The following TBCD variants were observed in gnomAD, a reference collection of about 807,000 sequenced individuals.
The protein encoded by TBCD is tubulin-specific chaperone D.
TBCD carries 105 observed loss-of-function variants against 169.3 expected under a neutral mutation model. That is an observed-to-expected ratio of 0.62 (90% CI 0.53 to 0.73). The LOEUF (loss-of-function observed/expected upper bound fraction) is 0.73. Ranked by LOEUF, TBCD falls within the 30% of genes least tolerant of loss-of-function variation. The pLI, the probability that TBCD is intolerant of heterozygous loss-of-function variation, is 0.00. For missense variants in TBCD, 1,444 were observed against 1,600.1 expected, an observed-to-expected ratio of 0.90 and a Z score of 1.66; for synonymous variants, 700 against 643.9, an observed-to-expected ratio of 1.09 and a Z score of -1.32.
chr17:82,906,067 G>T lies in TBCD; in HGVS notation c.1922+14G>T, dbSNP rs776624563. On this transcript the variant is annotated intron_variant, in intron 20 of 38. Coordinates refer to ENST00000355528, the MANE Select transcript of TBCD (RefSeq NM_005993.5). ...CCAAGAGAACAGGTAGGAAGAGTGG[G>T]TCTCGAGGAGACACAGGGCTCTGTC... The T allele has an allele frequency of 6.3e-7, 1 of 1,577,162 alleles. No individual in the cohort carries two copies. The highest frequency in any genetic ancestry group is 2.3e-5 in the East Asian group (1 of 43,812).
At chr17:82,788,729 C>T (rs955229208) in intron 7 of TBCD, among the ~76,000 whole-genome samples, 3 of 151,952 alleles carry the variant, frequency 2.0e-5, no homozygotes, top group African/African-American at 7.3e-5. Context: ...TGGTTGTGGC[C>T]AAGAGTGTGT....
Position 82,852,396 on chromosome 17 carries a change from G to T in TBCD, c.1319-17828G>T, listed in dbSNP as rs147882553. 4.6e-5 allele frequency among the ~76,000 whole-genome samples: 7 copies of T among 152,288 alleles called. No individual in the cohort carries two copies. In the East Asian group the frequency reaches 1.4e-3, roughly 29 times the overall value. On this transcript the variant is annotated intron_variant, in intron 13 of 38. Transcript: ENST00000355528. The stretch of plus-strand genomic sequence containing the variant: ...GCTGTGGAAACAAGTCACCACAGAT[G>T]GGGGCTCAAGCAGCACAAATGTATC...
rs549417999 is a variant in TBCD at position 82,885,735 on chromosome 17, GAATATGAAGTGA to G, written c.1533+1538_1533+1549del. 1.4e-3 allele frequency among the ~76,000 whole-genome samples: 218 copies of G among 152,266 alleles called. 6 individuals are homozygous for G. The East Asian group carries it at 0.035, about 24-fold the overall frequency. ...AAGTACTTAGGCTTCTATGAACCCTGAATATGAAGTGAAATAATATAAATCATTTTTCACATT... is the reference window on the plus strand; with the variant it reads ...AAGTACTTAGGCTTCTATGAACCCTGAATAATATAAATCATTTTTCACATT... On this transcript the variant is annotated intron_variant, in intron 15 of 38. Coordinates refer to ENST00000355528, the MANE Select transcript of TBCD (RefSeq NM_005993.5).
intron 30 of TBCD, 73 bp downstream of exon 30, chr17:82,928,061 G>A (rs532879219): frequency 2.5e-5 from 35 of 1,405,366 alleles, no homozygotes; most frequent in African/African-American, 2.3e-4. Context: ...CGGGGCGGGC[G>A]GTCCTGGTGC....
chr17:82,811,870 G>A (rs916539811), intron 12 of TBCD, among the ~76,000 whole-genome samples: 4 of 152,180 alleles, frequency 2.6e-5, no homozygotes, highest in Admixed American at 1.3e-4. Context: ...AAACGGGTCC[G>A]AGAAAGGGCA....
chr17:82,925,171 G>A lies in TBCD; in HGVS notation c.2379+114G>A, dbSNP rs983304803. 5 of 861,438 alleles carry A rather than the reference G, an allele frequency of 5.8e-6. No individual in the cohort carries two copies. In the African/African-American group the frequency reaches 6.8e-5, roughly 12 times the overall value. 53.4% of individuals were successfully genotyped at this position (861,438 alleles called of 1,614,324 possible). On this transcript the variant is annotated intron_variant, in intron 27 of 38. Transcript: ENST00000355528. ...TAAACCCATCAGTGCTTGTAGCTGG[G>A]AGGGGGTTCCTGGAAACCGGCACCT...
chr17:82,846,048 C>T (rs1176368796), intron 13 of TBCD, among the ~76,000 whole-genome samples: 7 of 152,240 alleles, frequency 4.6e-5, no homozygotes, highest in African/African-American at 7.2e-5. Context: ...GCTTCAGGAA[C>T]GGCTCCGGGC....
intron 15 of TBCD, among the ~76,000 whole-genome samples, chr17:82,888,463 A>G (rs2058903226): frequency 1.3e-5 from 2 of 152,230 alleles, no homozygotes; most frequent in Non-Finnish European, 2.9e-5. Context: ...ATGTTACAGT[A>G]TATCTTTGTT....
rs577118350 is a variant in TBCD, at chr17:82,815,012, C to T, written c.1318+78C>T. The T allele has an allele frequency of 4.4e-5, 70 of 1,586,376 alleles. No homozygotes were observed. In the East Asian group the frequency reaches 6.5e-4, roughly 15 times the overall value. ...CAGGAGAGGCCTGTTGCTGCCATCTCGACTCGTGGATGGTGAGTAGCTGAA... is the reference window on the plus strand; with the variant it reads ...CAGGAGAGGCCTGTTGCTGCCATCTTGACTCGTGGATGGTGAGTAGCTGAA... On this transcript the variant is annotated intron_variant, in intron 13 of 38. Transcript: ENST00000355528.
intron 13 of TBCD, among the ~76,000 whole-genome samples, chr17:82,845,279 G>GCC (rs1449414814): frequency 6.7e-6 from 1 of 148,676 alleles, no homozygotes; most frequent in Non-Finnish European, 1.5e-5. Flanking sequence ...ATCTTGTGCG[G>GCC]CCCAGCCCCT....
At chr17:82,931,731 G>A (rs1440001533) in intron 33 of TBCD, among the ~76,000 whole-genome samples, 2 of 152,188 alleles carry the variant, frequency 1.3e-5, no homozygotes, top group East Asian at 3.9e-4. Context: ...TGTGTTAGTC[G>A]GCCTGTGCTA....
rs151105006 is a variant in TBCD at position 82,855,983 on chromosome 17, T to TCC, written c.1319-14234_1319-14233dup. The stretch of plus-strand genomic sequence containing the variant: ...ATAATATTGCTTTGTATGGGTAGAC[T>TCC]CCCCCCCCACTTTTTTTTTTTTTTT... On this transcript the variant is annotated intron_variant, in intron 13 of 38. Coordinates refer to ENST00000355528, the MANE Select transcript of TBCD (RefSeq NM_005993.5). Among the ~76,000 whole-genome samples, 1,028 of 114,036 alleles carry TCC rather than the reference T, an allele frequency of 9.0e-3. 22 individuals are homozygous for TCC. The highest frequency in any genetic ancestry group is 0.032 in the African/African-American group (934 of 29,160). 74.8% of individuals were successfully genotyped at this position (114,036 alleles called of 152,430 possible).
intron 13 of TBCD, among the ~76,000 whole-genome samples, chr17:82,860,984 C>T (rs2056710766): frequency 6.6e-6 from 1 of 152,206 alleles, no homozygotes; most frequent in African/African-American, 2.4e-5. Context: ...GAATCTGTCA[C>T]ATGCACGTGA....
intron 28 of TBCD, 130 bp from the exon 29 acceptor site, chr17:82,927,056 G>C: frequency 1.5e-6 from 2 of 1,301,374 alleles, no homozygotes; most frequent in Non-Finnish European, 2.1e-6. Context: ...CTGTGTTTCT[G>C]ATCTACCCGA....
chr17:82,846,931 C>G (rs1367548914), intron 13 of TBCD, among the ~76,000 whole-genome samples: 1 of 152,196 alleles, frequency 6.6e-6, no homozygotes, highest in Non-Finnish European at 1.5e-5. Context: ...CCCAGCTGCA[C>G]CCCCGGGGTC....
intron 16 of TBCD, among the ~76,000 whole-genome samples, chr17:82,891,765 AGGGGGCTGG>A (rs1426135604): frequency 1.4e-5 from 2 of 140,996 alleles, no homozygotes; most frequent in Non-Finnish European, 3.1e-5. Context: ...GGGGACACAG[AGGGGGCTGG>A]GGGCAGAGAC....
intron 38 of TBCD, chr17:82,942,032 G>A (rs2063342814): frequency 7.1e-6 from 2 of 283,400 alleles, no homozygotes; most frequent in Non-Finnish European, 1.3e-5. Context: ...ATATCTGAGA[G>A]GGAGGAGGAG....
intron 13 of TBCD, among the ~76,000 whole-genome samples, chr17:82,858,265 G>T (rs79838327): frequency 0.01 from 1,544 of 152,260 alleles, 32 homozygotes; most frequent in African/African-American, 0.034. Context: ...TCAAAGCTAA[G>T]CTGTGACATA....
Position 82,927,048 on chromosome 17 carries a change from G to C in TBCD, c.2472-138G>C. 3.3e-6 allele frequency: 4 copies of C among 1,200,262 alleles called. No homozygotes were observed. In the African/African-American group the frequency reaches 4.6e-5, roughly 14 times the overall value. 74.4% of individuals were successfully genotyped at this position (1,200,262 alleles called of 1,614,324 possible). On this transcript the variant is annotated intron_variant, in intron 28 of 38. Coordinates refer to ENST00000355528, the MANE Select transcript of TBCD (RefSeq NM_005993.5). ...GTTCCATACATGTGGAAGGAGCTCT[G>C]TGTTTCTGATCTACCCGAGGGTCCT...
Sources: allele counts gnomAD v4.1 joint callset (sites outside exome capture counted in the v4.1 genomes callset), GRCh38; gene constraint gnomAD v4.1.1; transcripts MANE v1.5; gene names NCBI Gene and HGNC (gene_info 2026-07-23, HGNC 2026-07-21).